The following UBR2 variants were observed in gnomAD, a reference collection of about 807,000 sequenced individuals.
The protein encoded by UBR2 is ubiquitin protein ligase E3 component n-recognin 2, also known as E3 ubiquitin-protein ligase UBR2.
In UBR2, 92 loss-of-function variants were observed where a neutral mutation model predicts 247.9. The ratio of observed to expected loss-of-function variants is 0.37; its 90% CI spans 0.31 to 0.44. The LOEUF is 0.44. UBR2 is among the 20% of genes least tolerant of loss of function. The pLI is 1.00. For synonymous variants in UBR2, 672 were observed against 693.5 expected, an observed-to-expected ratio of 0.97 and a Z score of 0.49; for missense variants, 1,613 against 2,112.6, an observed-to-expected ratio of 0.76 and a Z score of 4.64.
At chr6:42,614,348 GTA>G (rs1794343423) in intron 8 of UBR2, among the ~76,000 whole-genome samples, 1 of 139,820 alleles carries the variant, frequency 7.2e-6, no homozygotes, top group South Asian at 2.2e-4. Context: ...ATGTGTGTAT[GTA>G]TGTGTGTATA....
Position 42,652,695 on chromosome 6 carries a change from G to C in UBR2, c.2769+50G>C, listed in dbSNP as rs756551953. 5 of 1,520,030 alleles carry C rather than the reference G, an allele frequency of 3.3e-6. No individual in the cohort carries two copies. The East Asian group carries it at 1.2e-4, about 37-fold the overall frequency. The allele number at this position is 1,520,030 out of a possible 1,614,324, so 94.2% of individuals were successfully genotyped here. ...TATATTTTAGTATTTTATAGTACAA[G>C]CAAAATATTCTTGTCTGTATCTATA... On this transcript the variant is annotated intron_variant, in intron 25 of 46. Transcript: ENST00000372901.
chr6:42,620,487 T>TTG (rs1397713518), intron 11 of UBR2: 8 of 64,528 alleles, frequency 1.2e-4, no homozygotes, highest in South Asian at 5.1e-4. Flanking sequence ...TGTTGTTTTT[T>TTG]TTTTTTGTTT....
chr6:42,662,049 C>G lies in UBR2; in HGVS notation c.3443-135C>G. 3 of 557,984 alleles carry G rather than the reference C, an allele frequency of 5.4e-6. No homozygotes were observed. The South Asian group carries it at 7.7e-5, about 14-fold the overall frequency. The allele number at this position is 557,984 out of a possible 1,614,324, so 34.6% of individuals were successfully genotyped here. A position where few individuals can be genotyped will look rare whatever the true frequency, so the allele number is the denominator to read the frequency against. Reference sequence around the variant, plus strand: ...TCCAAGGTGTTGCATAAATTGGTATCTCAGAGGAATAAACTAGCATTTCAT... The same window carrying G: ...TCCAAGGTGTTGCATAAATTGGTATGTCAGAGGAATAAACTAGCATTTCAT... On this transcript the variant is annotated intron_variant, in intron 30 of 46. Transcript: ENST00000372901.
Position 42,659,911 on chromosome 6 carries a change from G to A in UBR2, c.3442+56G>A, listed in dbSNP as rs1797706163. 3.9e-6 allele frequency: 6 copies of A among 1,543,878 alleles called. No homozygotes were observed. The South Asian group carries it at 6.8e-5, about 17-fold the overall frequency. On this transcript the variant is annotated intron_variant, in intron 30 of 46. Coordinates refer to ENST00000372901, the MANE Select transcript of UBR2 (RefSeq NM_001363705.2). This position sits in a 1 kb window ranked among gnomAD's most constrained non-coding sequence, Gnocchi z 4.3. ...TTTAATAACAACTGCCAGTTAATGTGGTTGGTGATACGTTGAGATTTTTTA... is the reference window on the plus strand; with the variant it reads ...TTTAATAACAACTGCCAGTTAATGTAGTTGGTGATACGTTGAGATTTTTTA...
intron 30 of UBR2, among the ~76,000 whole-genome samples, chr6:42,660,838 G>A (rs926873255): frequency 6.6e-6 from 1 of 151,374 alleles, no homozygotes; most frequent in African/African-American, 2.4e-5. Context: ...TTGGTGGCAC[G>A]CGCCTGTAGT....
intron 26 of UBR2, among the ~76,000 whole-genome samples, chr6:42,657,169 A>G (rs1243520922): frequency 6.8e-6 from 1 of 146,836 alleles, no homozygotes; most frequent in Non-Finnish European, 1.5e-5. Context: ...CAGGAGGTGG[A>G]GGTTGCAGTG....
At chr6:42,686,866 C>T (rs556652288) in intron 44 of UBR2, among the ~76,000 whole-genome samples, 3 of 150,190 alleles carry the variant, frequency 2.0e-5, no homozygotes, top group South Asian at 2.1e-4. Flanking sequence ...CGGTCGGAGA[C>T]ACTCCTCACC....
intron 42 of UBR2, 151 bp from the exon 43 acceptor site, chr6:42,682,904 G>T: frequency 8.1e-6 from 5 of 618,078 alleles, no homozygotes; most frequent in South Asian, 2.2e-5. Context: ...AAAGTTGTAG[G>T]CAAAATAGTA....
Position 42,689,703 on chromosome 6 carries a change from G to T in UBR2, c.5126+33G>T, listed in dbSNP as rs1562410815. ...CCCATCCTGAGTTAGCTAACTCAGG[G>T]CCTGCAGCGCCCTTCCGTATGTGGT... is the stretch of plus-strand genomic sequence containing the variant. On this transcript the variant is annotated intron_variant, in intron 46 of 46. Coordinates refer to ENST00000372901, the MANE Select transcript of UBR2 (RefSeq NM_001363705.2). The surrounding 1 kb of genome is among the most constrained non-coding windows in gnomAD (Gnocchi z 4.0). 3 of 1,552,164 alleles carry T rather than the reference G, an allele frequency of 1.9e-6. No individual in the cohort carries two copies. The highest frequency in any genetic ancestry group is 2.2e-5 in the East Asian group (1 of 44,456).
intron 2 of UBR2, among the ~76,000 whole-genome samples, chr6:42,577,695 C>T (rs930874490): frequency 4.6e-5 from 7 of 151,256 alleles, no homozygotes; most frequent in East Asian, 1.9e-4. Flanking sequence ...TTTTAAGATA[C>T]GGAGAAGTAA....
chr6:42,671,884 GAT>G (rs1798462705), intron 36 of UBR2, among the ~76,000 whole-genome samples: 1 of 152,036 alleles, frequency 6.6e-6, no homozygotes, highest in African/African-American at 2.4e-5. Flanking sequence ...CTCCAACCCA[GAT>G]CTTTATCTTA....
At chr6:42,599,989 C>T (rs556257370) in intron 4 of UBR2, among the ~76,000 whole-genome samples, 2 of 152,106 alleles carry the variant, frequency 1.3e-5, no homozygotes, top group South Asian at 2.1e-4. Flanking sequence ...TAAATTGAAA[C>T]GTGTGTTATT....
chr6:42,687,493 A>AGAGAGG (rs1333289116), intron 44 of UBR2, among the ~76,000 whole-genome samples: 4 of 152,070 alleles, frequency 2.6e-5, no homozygotes, highest in Non-Finnish European at 5.9e-5. Flanking sequence ...GAGGGAGAGA[A>AGAGAGG]GAGAGGGAGA....
At chr6:42,572,227 G>A (rs1188684437) in intron 1 of UBR2, among the ~76,000 whole-genome samples, 2 of 151,942 alleles carry the variant, frequency 1.3e-5, no homozygotes, top group East Asian at 3.9e-4. Flanking sequence ...ACCGTTTTTG[G>A]TTATAAGCTT....
intron 4 of UBR2, among the ~76,000 whole-genome samples, chr6:42,598,874 ATCTT>A (rs1270477365): frequency 7.9e-5 from 12 of 152,110 alleles, no homozygotes; most frequent in African/African-American, 2.9e-4. Context: ...TTATTTTCCT[ATCTT>A]TATTTTCATT....
chr6:42,603,003 G>C (rs1156334263), intron 4 of UBR2, among the ~76,000 whole-genome samples: 1 of 152,054 alleles, frequency 6.6e-6, no homozygotes, highest in Non-Finnish European at 1.5e-5. Context: ...CATTACCCTA[G>C]AAATTCAGTG....
intron 2 of UBR2, 103 bp from the exon 3 acceptor site, chr6:42,592,048 T>A: frequency 8.8e-7 from 1 of 1,131,396 alleles, no homozygotes; most frequent in Non-Finnish European, 1.3e-6. Context: ...CCAAAAAACT[T>A]CACGTTTTCA....
intron 11 of UBR2, among the ~76,000 whole-genome samples, chr6:42,625,980 T>A (rs10755723): frequency 0.79 from 119,317 of 151,488 alleles, 47,011 homozygotes; most frequent in East Asian, 0.89. Flanking sequence ...TGCCTGGCTA[T>A]TTTTTTTGTA....
At chr6:42,665,718 A>G (rs551916962) in intron 33 of UBR2, among the ~76,000 whole-genome samples, 1 of 152,060 alleles carries the variant, frequency 6.6e-6, no homozygotes, top group South Asian at 2.1e-4. Context: ...TTTCTAATAA[A>G]CACTTCTCAC....
Sources: gnomAD v4.1 joint callset for allele counts (sites outside exome capture counted in the v4.1 genomes callset) on GRCh38, gnomAD v4.1.1 for gene constraint, Gnocchi (gnomAD v3.1) non-coding constraint, MANE v1.5 for transcripts, NCBI Gene and HGNC (gene_info 2026-07-23, HGNC 2026-07-21) for gene names.